ZFR: variants seen among roughly 807,000 people sequenced by gnomAD.
The protein encoded by ZFR is zinc finger RNA binding protein.
A neutral mutation model predicts 130.7 loss-of-function variants in ZFR; 19 were observed. The observed-to-expected ratio is 0.15, with a 90% CI of 0.10 to 0.21. The LOEUF (loss-of-function observed/expected upper bound fraction) is 0.21, where lower values mean the gene tolerates loss of function less well. Among genes scored for constraint, ZFR ranks in the 10% least tolerant of loss-of-function variants. ZFR has a pLI of 1.00. For synonymous variants in ZFR, 466 were observed against 456.9 expected, an observed-to-expected ratio of 1.02 and a Z score of -0.25; for missense variants, 872 against 1,321.5, an observed-to-expected ratio of 0.66 and a Z score of 5.27.
At chr5:32,398,060 G>T (rs1753359179) in intron 9 of ZFR, among the ~76,000 whole-genome samples, 1 of 149,732 alleles carries the variant, frequency 6.7e-6, no homozygotes, top group Non-Finnish European at 1.5e-5. Flanking sequence ...GTTTCACCGT[G>T]TTAGCCAGGA....
intron 4 of ZFR, among the ~76,000 whole-genome samples, chr5:32,415,485 AGTGTGTGTGTGTGTGT>A (rs3065262): frequency 7.3e-6 from 1 of 136,318 alleles, no homozygotes; most frequent in African/African-American, 2.8e-5. Context: ...TCTGAAAAGG[AGTGTGTGTGTGTGTGT>A]GTGTGTGTGT....
chr5:32,399,873 T>C (rs917993459), intron 9 of ZFR, 134 bp downstream of exon 9: 10 of 802,142 alleles, frequency 1.2e-5, no homozygotes, highest in Admixed American at 7.3e-5. Context: ...ATAACAAAGA[T>C]TCCTTTAATA....
chr5:32,400,968 G>A (rs1753437139), intron 8 of ZFR, among the ~76,000 whole-genome samples: 1 of 152,318 alleles, frequency 6.6e-6, no homozygotes, highest in African/African-American at 2.4e-5. Context: ...ACCAGGGAAG[G>A]AAACAGAACC....
chr5:32,386,709 C>T (rs568784726), intron 14 of ZFR, among the ~76,000 whole-genome samples: 14 of 152,092 alleles, frequency 9.2e-5, no homozygotes, highest in African/African-American at 3.1e-4. Flanking sequence ...AAACAAGCAA[C>T]AGTAAGTGCA....
At chr5:32,439,051 T>C (rs1190755634) in intron 2 of ZFR, among the ~76,000 whole-genome samples, 1 of 152,188 alleles carries the variant, frequency 6.6e-6, no homozygotes, top group African/African-American at 2.4e-5. Context: ...CAGATACCTA[T>C]TCTATACAGG....
At chr5:32,358,698 CT>C (rs929666747) in intron 19 of ZFR, among the ~76,000 whole-genome samples, 12 of 148,794 alleles carry the variant, frequency 8.1e-5, no homozygotes, top group Admixed American at 2.7e-4. Context: ...TTTTAATTAA[CT>C]TTTTTTTTAA....
At chr5:32,399,874 T>C in intron 9 of ZFR, 133 bp downstream of exon 9, 1 of 805,488 alleles carries the variant, frequency 1.2e-6, no homozygotes. Flanking sequence ...TAACAAAGAT[T>C]CCTTTAATAT....
intron 3 of ZFR, among the ~76,000 whole-genome samples, chr5:32,419,467 A>T (rs1043513356): frequency 1.3e-5 from 2 of 152,062 alleles, no homozygotes; most frequent in Non-Finnish European, 2.9e-5. Context: ...CCTCCTGAGT[A>T]GCTGGGACTA....
intron 17 of ZFR, among the ~76,000 whole-genome samples, chr5:32,372,611 T>C (rs1256606119): frequency 6.6e-6 from 1 of 152,008 alleles, no homozygotes; most frequent in Non-Finnish European, 1.5e-5. Context: ...GGGGAGCAGA[T>C]CACTTGAGGC....
At chr5:32,410,943 AG>A (rs1304049372) in intron 5 of ZFR, among the ~76,000 whole-genome samples, 1 of 152,242 alleles carries the variant, frequency 6.6e-6, no homozygotes, top group Non-Finnish European at 1.5e-5. Context: ...TAGGGAAACA[AG>A]TGGGCAAATG....
At chr5:32,405,462 T>G (rs1375864255) in intron 6 of ZFR, among the ~76,000 whole-genome samples, 2 of 152,242 alleles carry the variant, frequency 1.3e-5, no homozygotes, top group Non-Finnish European at 2.9e-5. Flanking sequence ...TGGCCTGTTC[T>G]TTTTGTTAAC....
chr5:32,371,043 A>C (rs1029493198), intron 17 of ZFR, among the ~76,000 whole-genome samples: 1 of 152,226 alleles, frequency 6.6e-6, no homozygotes, highest in Non-Finnish European at 1.5e-5. Flanking sequence ...ACAGACAGAA[A>C]CTGAAGATCT....
intron 2 of ZFR, among the ~76,000 whole-genome samples, chr5:32,421,611 T>C (rs922404081): frequency 6.6e-6 from 1 of 152,074 alleles, no homozygotes; most frequent in African/African-American, 2.4e-5. Flanking sequence ...GACAGATGCC[T>C]TCTAATAGAA....
At position 32,406,764 on chromosome 5, in the gene ZFR, A is replaced by G; in HGVS notation, c.1032+10T>C. ...CTGAAGACTCAAGGTAAAACATACA[A>G]CGTAAGTACCTGTGGTCCAGCACAG... On this transcript the variant is annotated intron_variant, in intron 6 of 19. Coordinates refer to ENST00000265069, the MANE Select transcript of ZFR (RefSeq NM_016107.5). 6.2e-7 allele frequency: 1 copy of G among 1,604,422 alleles called. No homozygotes were observed. The highest frequency in any genetic ancestry group is 8.5e-7 in the Non-Finnish European group (1 of 1,177,704).
chr5:32,395,128 T>C (rs201323930), intron 11 of ZFR, 31 bp downstream of exon 11: 2 of 1,560,244 alleles, frequency 1.3e-6, no homozygotes, highest in South Asian at 1.2e-5. Context: ...GCTGAACCAC[T>C]TACCAGGCTA....
intron 17 of ZFR, among the ~76,000 whole-genome samples, chr5:32,371,167 C>T (rs928142155): frequency 2.0e-5 from 3 of 151,992 alleles, no homozygotes; most frequent in Non-Finnish European, 2.9e-5. Flanking sequence ...CCCAGGAGTT[C>T]GAGACCAGCT....
intron 2 of ZFR, among the ~76,000 whole-genome samples, chr5:32,439,191 T>C (rs997504313): frequency 1.4e-4 from 21 of 152,218 alleles, no homozygotes; most frequent in Admixed American, 1.4e-3. Flanking sequence ...CTAAGGTCTC[T>C]GATTCAACAA....
At chr5:32,434,659 A>G (rs969533370) in intron 2 of ZFR, among the ~76,000 whole-genome samples, 2 of 152,240 alleles carry the variant, frequency 1.3e-5, no homozygotes, top group Non-Finnish European at 2.9e-5. Context: ...TGATAGAGGA[A>G]ATAATTCACA....
intron 5 of ZFR, among the ~76,000 whole-genome samples, chr5:32,408,169 T>G (rs908705800): frequency 1.3e-5 from 2 of 152,154 alleles, no homozygotes; most frequent in African/African-American, 4.8e-5. Context: ...TTTTTATGGT[T>G]AAATTTGATC....
Sources: gnomAD v4.1 joint callset for allele counts (sites outside exome capture counted in the v4.1 genomes callset) on GRCh38, gnomAD v4.1.1 for gene constraint, MANE v1.5 for transcripts, NCBI Gene and HGNC (gene_info 2026-07-23, HGNC 2026-07-21) for gene names.